The following ADGRB3 variants were observed in gnomAD, a reference collection of about 807,000 sequenced individuals.
ADGRB3 encodes adhesion G protein-coupled receptor B3.
In ADGRB3, 37 loss-of-function variants were observed where a neutral mutation model predicts 193.4. That is an observed-to-expected ratio of 0.19 (90% confidence interval 0.15 to 0.25). The LOEUF is 0.25. Ranked by LOEUF, ADGRB3 falls within the 10% of genes least tolerant of loss-of-function variation. The pLI is 1.00. For missense variants in ADGRB3, 1,637 were observed against 1,852.9 expected (o/e 0.88, Z 2.14); for synonymous variants, 690 against 644.2 (o/e 1.07, Z -1.08).
Position 68,847,941 on chromosome 6 carries a change from A to G in ADGRB3, c.758-82618A>G, listed in dbSNP as rs556383160. On this transcript the variant is annotated intron_variant, in intron 3 of 31. Coordinates refer to ENST00000370598, the MANE Select transcript of ADGRB3 (RefSeq NM_001704.3). ...AAAAAAGAATAGAAAAAAAGAAGAAAGTGATATCAACTAAGTACAAATTTA... is the reference window on the plus strand; with the variant it reads ...AAAAAAGAATAGAAAAAAAGAAGAAGGTGATATCAACTAAGTACAAATTTA... Among the ~76,000 whole-genome samples the G allele has an allele frequency of 1.6e-4, 24 of 152,210 alleles. No homozygotes were observed. The East Asian group carries it at 4.6e-3, about 29-fold the overall frequency.
intron 5 of ADGRB3, among the ~76,000 whole-genome samples, chr6:68,940,226 A>G (rs1767597212): frequency 1.3e-5 from 2 of 152,228 alleles, no homozygotes; most frequent in African/African-American, 2.4e-5. Flanking sequence ...CAATAGCACA[A>G]TTTATTGCCC....
At chr6:69,388,627 T>G in intron 31 of ADGRB3, 76 bp from the exon 32 acceptor site, 1 of 1,374,002 alleles carries the variant, frequency 7.3e-7, no homozygotes, top group Non-Finnish European at 9.9e-7. Context: ...ACAAACACGC[T>G]CTCTTCCTGG....
intron 6 of ADGRB3, 149 bp from the exon 7 acceptor site, chr6:68,955,875 A>G: frequency 1.5e-6 from 1 of 660,042 alleles, no homozygotes; most frequent in Non-Finnish European, 2.4e-6. Flanking sequence ...GGGAGTTAAT[A>G]AAATCTCATG....
Position 69,185,482 on chromosome 6 carries a change from A to G in ADGRB3, c.2481-47808A>G, listed in dbSNP as rs1765047771. Among the ~76,000 whole-genome samples the G allele has an allele frequency of 4.6e-5, 7 of 152,196 alleles. No homozygotes were observed. In the South Asian group the frequency reaches 1.4e-3, roughly 31 times the overall value. ...AGGAACATTTTCAGCACAGAACAGA[A>G]CATGGCGTATTGGTACAAGTATCAG... On this transcript the variant is annotated intron_variant, in intron 17 of 31. Transcript: ENST00000370598.
chr6:68,782,391 G>A (rs2127361659), intron 3 of ADGRB3, among the ~76,000 whole-genome samples: 1 of 151,862 alleles, frequency 6.6e-6, no homozygotes, highest in East Asian at 1.9e-4. Flanking sequence ...ATTTGAGTTG[G>A]TTCCAAGTCT....
chr6:69,104,806 A>G, intron 17 of ADGRB3, among the ~76,000 whole-genome samples: 1 of 152,134 alleles, frequency 6.6e-6, no homozygotes. Flanking sequence ...TTATATTTAA[A>G]CAATTAATTT....
chr6:68,838,570 T>C (rs1010574549), intron 3 of ADGRB3, among the ~76,000 whole-genome samples: 25 of 152,212 alleles, frequency 1.6e-4, no homozygotes, highest in African/African-American at 6.0e-4. Context: ...AATTAATTTA[T>C]TTGGTAAACT....
At chr6:69,097,905 G>A (rs1772929248) in intron 17 of ADGRB3, among the ~76,000 whole-genome samples, 3 of 151,546 alleles carry the variant, frequency 2.0e-5, no homozygotes, top group Admixed American at 1.3e-4. Context: ...TATTTTAAAT[G>A]AAAAGAAAAA....
intron 18 of ADGRB3, among the ~76,000 whole-genome samples, chr6:69,233,623 T>A (rs529806599): frequency 3.9e-5 from 6 of 152,348 alleles, no homozygotes; most frequent in African/African-American, 1.4e-4. Flanking sequence ...TTATGTCTTC[T>A]AACTTGAAAT....
At chr6:69,291,267 T>A (rs955270027) in intron 20 of ADGRB3, among the ~76,000 whole-genome samples, 1 of 152,168 alleles carries the variant, frequency 6.6e-6, no homozygotes, top group Non-Finnish European at 1.5e-5. Flanking sequence ...ATCATTATTA[T>A]TAAGCATTAC....
intron 31 of ADGRB3, 139 bp from the exon 32 acceptor site, chr6:69,388,564 C>A: frequency 2.7e-6 from 2 of 742,412 alleles, no homozygotes; most frequent in Non-Finnish European, 4.3e-6. Context: ...CTATTTCCCA[C>A]AGTTGGCCGT....
chr6:69,128,993 T>C (rs918228340), intron 17 of ADGRB3, among the ~76,000 whole-genome samples: 1 of 152,180 alleles, frequency 6.6e-6, no homozygotes, highest in African/African-American at 2.4e-5. Context: ...TTTCCCCATG[T>C]GGTACGCATT....
chr6:68,636,050 C>A (rs992464519), intron 1 of ADGRB3, 50 bp downstream of exon 1: 1 of 152,118 alleles, frequency 6.6e-6, no homozygotes. Context: ...GGGTCGCCAC[C>A]GTGGAGCTTT....
intron 17 of ADGRB3, among the ~76,000 whole-genome samples, chr6:69,107,408 A>G (rs1773245336): frequency 6.6e-6 from 1 of 152,234 alleles, no homozygotes; most frequent in Non-Finnish European, 1.5e-5. Context: ...TCAAATATTT[A>G]TTGAGTGCCT....
intron 3 of ADGRB3, among the ~76,000 whole-genome samples, chr6:68,682,452 T>A (rs1764912638): frequency 6.6e-6 from 1 of 152,222 alleles, no homozygotes; most frequent in Non-Finnish European, 1.5e-5. Flanking sequence ...TTTAATTTGA[T>A]AACTTTCAAT....
intron 13 of ADGRB3, among the ~76,000 whole-genome samples, chr6:69,020,815 A>C (rs143464742): frequency 1.2e-4 from 19 of 152,176 alleles, no homozygotes; most frequent in Non-Finnish European, 2.5e-4. Flanking sequence ...ACTAGAACTG[A>C]GGGTTATGCG....
chr6:68,891,989 C>T (rs935301459), intron 3 of ADGRB3, among the ~76,000 whole-genome samples: 1 of 152,160 alleles, frequency 6.6e-6, no homozygotes, highest in Non-Finnish European at 1.5e-5. Context: ...AATGTTCTGT[C>T]CATACTGTCC....
At position 68,765,018 on chromosome 6, in the gene ADGRB3, T is replaced by G. The variant is rs572585531; in HGVS notation, c.757+125586T>G. On this transcript the variant is annotated intron_variant, in intron 3 of 31. Coordinates refer to ENST00000370598, the MANE Select transcript of ADGRB3 (RefSeq NM_001704.3). ...ATGTAATGTTACTGAATTTAGCATG[T>G]TGGCCTTCAATCCAGCAACTTCTTG... Among the ~76,000 whole-genome samples the G allele has an allele frequency of 7.9e-5, 12 of 152,336 alleles. No individual in the cohort carries two copies. The South Asian group carries it at 2.3e-3, about 29-fold the overall frequency.
At chr6:68,986,028 A>G (rs965319264) in intron 10 of ADGRB3, among the ~76,000 whole-genome samples, 1 of 152,148 alleles carries the variant, frequency 6.6e-6, no homozygotes, top group East Asian at 1.9e-4. Context: ...TCTCACCTAC[A>G]TATGTCCTTT....
Sources: allele counts gnomAD v4.1 joint callset (sites outside exome capture counted in the v4.1 genomes callset), GRCh38; gene constraint gnomAD v4.1.1; transcripts MANE v1.5; gene names NCBI Gene and HGNC (gene_info 2026-07-23, HGNC 2026-07-21).